Variants in SPTA1 observed in about 807,000 individuals in gnomAD.
The protein encoded by SPTA1 is spectrin alpha chain, erythrocytic 1.
SPTA1 carries 177 observed loss-of-function variants against 324.7 expected under a neutral mutation model. The observed-to-expected ratio is 0.55, with a 90% CI of 0.48 to 0.62. The LOEUF (loss-of-function observed/expected upper bound fraction) is 0.62. SPTA1 is among the 20% of genes least tolerant of loss of function. The probability of loss-of-function intolerance (pLI) is 0.00; values close to 1 mark genes in which losing one functional copy is unlikely to be tolerated. For synonymous variants in SPTA1, 1,195 were observed against 1,041.3 expected, an observed-to-expected ratio of 1.15 and a Z score of -2.84; for missense variants, 3,162 against 2,883.6, an observed-to-expected ratio of 1.10 and a Z score of -2.21.
rs1649830958 is a variant in SPTA1 at position 158,620,392 on chromosome 1, G to A, written c.6195C>T (p.Asn2065=). The A allele has an allele frequency of 6.2e-7, 1 of 1,613,944 alleles. No individual in the cohort carries two copies. The highest frequency in any genetic ancestry group is 1.3e-5 in the African/African-American group (1 of 75,030). Residue 2065 remains asparagine (N), a synonymous_variant, in exon 44 of 52, where the codon AAC becomes AAT. Transcript: ENST00000643759. ...LNNWCEKMEE[N]LSEPVHCVSL... is the part of the protein sequence containing the mutation. ...AGACACAGTGCACAGGCTCTGACAA[G>A]TTTTCTTCCATCTTTTCACACCAGT...
At chr1:158,621,989 T>A (rs935368040) in intron 43 of SPTA1, among the ~76,000 whole-genome samples, 5 of 152,152 alleles carry the variant, frequency 3.3e-5, no homozygotes, top group African/African-American at 9.7e-5. Flanking sequence ...CTCAGCCTCC[T>A]GAGTAGCTGG....
At position 158,677,682 on chromosome 1, in the gene SPTA1, C is replaced by A. The variant is rs763322885; in HGVS notation, c.957+8G>T. On this transcript the variant is annotated splice_region_variant and intron_variant, in intron 7 of 51. Coordinates refer to ENST00000643759, the MANE Select transcript of SPTA1 (RefSeq NM_003126.4). ...AACGGGTTAGCCATTTCTCTAACAG[C>A]GCATTACCTTGTCACTCATGACAGC... 3 of 1,613,038 alleles carry A rather than the reference C, an allele frequency of 1.9e-6. No individual in the cohort carries two copies. The highest frequency in any genetic ancestry group is 2.5e-6 in the Non-Finnish European group (3 of 1,179,490).
chr1:158,651,915 G>GTT (rs1652470034), intron 23 of SPTA1, among the ~76,000 whole-genome samples: 2 of 151,736 alleles, frequency 1.3e-5, no homozygotes, highest in Non-Finnish European at 1.5e-5. Flanking sequence ...CTCTCTGTGT[G>GTT]TGTGTGTGCG....
intron 43 of SPTA1, 177 bp downstream of exon 43, chr1:158,622,806 A>T (rs1033691317): frequency 8.3e-5 from 53 of 635,294 alleles, no homozygotes; most frequent in East Asian, 5.7e-4. Flanking sequence ...TCTAAAAAAA[A>T]TTTTTAAAGC....
In SPTA1 at chr1:158,628,825, G is replaced by T. The variant is rs114869130; in HGVS notation, c.5566-1102C>A. 7.3e-3 allele frequency among the ~76,000 whole-genome samples: 1,110 copies of T among 152,042 alleles called. 9 individuals carry two copies. Among genetic ancestry groups the T allele is most frequent in the African/African-American group, 0.025 (1,036 of 41,482 alleles). On this transcript the variant is annotated intron_variant, in intron 39 of 51. Transcript: ENST00000643759. ...CAAATAATTATATGCCAATAAACTAGAATATCTAGAGAAAATAGATAAATT... is the reference window on the plus strand; with the variant it reads ...CAAATAATTATATGCCAATAAACTATAATATCTAGAGAAAATAGATAAATT...
At chr1:158,685,425 T>C in intron 1 of SPTA1, 78 bp from the exon 2 acceptor site, 4 of 1,583,866 alleles carry the variant, frequency 2.5e-6, no homozygotes, top group Non-Finnish European at 3.4e-6. Context: ...TGTCAAGGTG[T>C]TTACTCATGT....
chr1:158,672,215 A>C lies in SPTA1; in HGVS notation c.1351-19T>G. On this transcript the variant is annotated intron_variant, in intron 10 of 51. Coordinates refer to ENST00000643759, the MANE Select transcript of SPTA1 (RefSeq NM_003126.4). ...TTTCCATCTTTGGAAAGAAGGAGAT[A>C]ATGTATATGGAAGATAATTAATTTA... 1 of 1,609,860 alleles carries C rather than the reference A, an allele frequency of 6.2e-7. No individual in the cohort carries two copies. Among genetic ancestry groups the C allele is most frequent in the Non-Finnish European group, 8.5e-7 (1 of 1,177,140 alleles).
In SPTA1 at chr1:158,671,291, AATTAT is replaced by A. The variant is rs1188066396; in HGVS notation, c.1599+47_1599+51del. The A allele has an allele frequency of 4.9e-4, 670 of 1,353,662 alleles. 4 individuals are homozygous for A. The highest frequency in any genetic ancestry group is 2.5e-3 in the South Asian group (206 of 83,998). The allele number at this position is 1,353,662 out of a possible 1,614,324, so 83.9% of individuals were successfully genotyped here. On this transcript the variant is annotated intron_variant, in intron 12 of 51. Transcript: ENST00000643759. ...CTGTCTGGGGACAGGTATTGTGTAAAATTATGTATACAGAGAGGGAGCCAATGCCC... is the reference window on the plus strand; with the variant it reads ...CTGTCTGGGGACAGGTATTGTGTAAAGTATACAGAGAGGGAGCCAATGCCC...
rs752119145 is a variant in SPTA1, at chr1:158,661,271, T to C, written c.2587+16A>G. On this transcript the variant is annotated intron_variant, in intron 18 of 51. Coordinates refer to ENST00000643759, the MANE Select transcript of SPTA1 (RefSeq NM_003126.4). ...CCTGGTGATGTTTTGTCCAACTGAA[T>C]CTCAATCATACATACCTTCCTCTAC... 2.5e-5 allele frequency: 40 copies of C among 1,613,700 alleles called. No homozygotes were observed. In the East Asian group the frequency reaches 4.7e-4, roughly 19 times the overall value.
At chr1:158,671,488 C>T (rs779412884) in intron 11 of SPTA1, 35 bp from the exon 12 acceptor site, 2 of 1,551,174 alleles carry the variant, frequency 1.3e-6, no homozygotes, top group East Asian at 2.2e-5. Context: ...TAAGCTGTGT[C>T]TGACCGGTAA....
chr1:158,638,581 G>A (rs1651275275), intron 35 of SPTA1, among the ~76,000 whole-genome samples: 1 of 151,934 alleles, frequency 6.6e-6, no homozygotes, highest in African/African-American at 2.4e-5. Context: ...ACTTTGAGAG[G>A]CCAAGGCGGT....
In SPTA1 at chr1:158,636,887, C is replaced by T; in HGVS notation, c.5190-126G>A. On this transcript the variant is annotated intron_variant, in intron 36 of 51. Coordinates refer to ENST00000643759, the MANE Select transcript of SPTA1 (RefSeq NM_003126.4). ...AGGTGGTTGTAAATTCTGTAATACCCTGGTGCCAATGACCAAAAATATAAT... is the reference window on the plus strand; with the variant it reads ...AGGTGGTTGTAAATTCTGTAATACCTTGGTGCCAATGACCAAAAATATAAT... The T allele has an allele frequency of 1.2e-5, 19 of 1,550,850 alleles. No individual in the cohort carries two copies. In the South Asian group the frequency reaches 2.2e-4, roughly 18 times the overall value.
chr1:158,653,418 C>T lies in SPTA1; in HGVS notation c.3044G>A (p.Trp1015Ter). 6.2e-7 allele frequency: 1 copy of T among 1,614,046 alleles called. No homozygotes were observed. The highest frequency in any genetic ancestry group is 1.7e-5 in the Admixed American group (1 of 60,012). Residue 1015 changes from tryptophan to a stop codon, truncating the protein, a stop_gained, in exon 22 of 52, where the codon TGG becomes TAG. Coordinates refer to ENST00000643759, the MANE Select transcript of SPTA1 (RefSeq NM_003126.4). LOFTEE classifies it high-confidence loss of function. The part of the protein sequence containing the change: ...TLLSSINKDW[W>*]KVEAADHQGI... ...CTGATGATCAGCAGCTTCCACCTTCCACCAGTCCTGAAGGGAGAGCAGATC... is the reference window on the plus strand; with the variant it reads ...CTGATGATCAGCAGCTTCCACCTTCTACCAGTCCTGAAGGGAGAGCAGATC...
intron 40 of SPTA1, 121 bp downstream of exon 40, chr1:158,627,504 T>A: frequency 1.1e-6 from 1 of 943,582 alleles, no homozygotes; most frequent in South Asian, 1.3e-5. Flanking sequence ...TTAGAAGAGA[T>A]TGTTAAAGTT....
intron 11 of SPTA1, among the ~76,000 whole-genome samples, 164 bp from the exon 12 acceptor site, chr1:158,671,617 C>T (rs147942420): frequency 6.6e-6 from 1 of 152,244 alleles, no homozygotes; most frequent in East Asian, 1.9e-4. Context: ...GAGTTTCAGG[C>T]CTCCTTCCTG....
chr1:158,620,049 G>T, intron 44 of SPTA1, 121 bp downstream of exon 44: 1 of 1,289,970 alleles, frequency 7.8e-7, no homozygotes, highest in Non-Finnish European at 1.1e-6. Flanking sequence ...CATGTTTCAT[G>T]ACTTCTGTCC....
In SPTA1 at chr1:158,610,976, A is replaced by G; in HGVS notation, c.*288T>C. ...AAGCAAAATGATAAAGACGTGCAAA[A>G]CAGAACAAATAAAAATAGAAACTTT... On this transcript the variant is annotated 3_prime_UTR_variant, in exon 52 of 52. Coordinates refer to ENST00000643759, the MANE Select transcript of SPTA1 (RefSeq NM_003126.4). 2.9e-6 allele frequency: 1 copy of G among 346,016 alleles called. No homozygotes were observed. Among genetic ancestry groups the G allele is most frequent in the Non-Finnish European group, 5.5e-6 (1 of 183,034 alleles). The allele number at this position is 346,016 out of a possible 1,614,324, so 21.4% of individuals were successfully genotyped here.
At chr1:158,640,298 T>C (rs1651449547) in intron 33 of SPTA1, among the ~76,000 whole-genome samples, 1 of 139,798 alleles carries the variant, frequency 7.2e-6, no homozygotes, top group African/African-American at 2.6e-5. Flanking sequence ...ATGATAAGAG[T>C]TTGGAATTAA....
Position 158,668,052 on chromosome 1 carries a change from T to C in SPTA1, c.1844A>G (p.Asn615Ser), listed in dbSNP as rs376612556. The stretch of plus-strand genomic sequence containing the variant: ...CTGCTTTTGAACCCTGCTCTTCAAG[T>C]TCTGTATGTCCTGAGATAAGATGAA... Reference protein sequence around the residue: ...ADDEDYKDIQNLKSRVQKQQV... With the variant: ...ADDEDYKDIQSLKSRVQKQQV... The change falls in exon 15 of 52, where the codon AAC (asparagine) becomes AGC (serine). Residue 615 changes from asparagine to serine, a missense_variant. Physicochemically the swap from Asn to Ser is conservative, Grantham distance 46. Coordinates refer to ENST00000643759, the MANE Select transcript of SPTA1 (RefSeq NM_003126.4). 3 of 1,606,722 alleles carry C rather than the reference T, an allele frequency of 1.9e-6. No homozygotes were observed. Among genetic ancestry groups the C allele is most frequent in the Non-Finnish European group, 2.5e-6 (3 of 1,179,016 alleles).
Sources: allele counts gnomAD v4.1 joint callset (sites outside exome capture counted in the v4.1 genomes callset), GRCh38; gene constraint gnomAD v4.1.1; transcripts MANE v1.5; gene names NCBI Gene and HGNC (gene_info 2026-07-23, HGNC 2026-07-21).